Variants in MZT2B observed in about 807,000 individuals in gnomAD.
The protein encoded by MZT2B is mitotic-spindle organizing protein 2B.
MZT2B carries 11 observed loss-of-function variants against 12.1 expected under a neutral mutation model. That is an observed-to-expected ratio of 0.91 (90% confidence interval 0.57 to 1.50). MZT2B has a LOEUF of 1.50. MZT2B is among the 40% of genes most tolerant of loss of function. The probability of loss-of-function intolerance (pLI) is 0.00; values close to 1 mark genes in which losing one functional copy is unlikely to be tolerated. For missense variants in MZT2B, 209 were observed against 227.7 expected (o/e 0.92, Z 0.53); for synonymous variants, 85 against 109.5 (o/e 0.78, Z 1.40).
At position 130,190,623 on chromosome 2, in the gene MZT2B, C is replaced by T. The variant is rs1690230978; in HGVS notation, c.474C>T (p.Thr158=). The change falls in exon 3 of 3, where the codon ACC becomes ACT. Residue 158 remains threonine (T), a synonymous_variant. Transcript: ENST00000281871. ...GGAAGAGCCCTACACGGGGCAGCAC[C>T]TAGGATGGGGCAGAGACTTGTTGCA... ...GPGKSPTRGS[T] The T allele has an allele frequency of 3.1e-6, 5 of 1,604,036 alleles. No individual in the cohort carries two copies. Among genetic ancestry groups the T allele is most frequent in the Non-Finnish European group, 3.4e-6 (4 of 1,172,524 alleles).
chr2:130,203,188 C>T, the MZT2B span, among the ~76,000 whole-genome samples: 1 of 151,608 alleles, frequency 6.6e-6, no homozygotes, highest in Non-Finnish European at 1.5e-5. Context: ...AGTTTGTGAT[C>T]TGTCCTCTAA....
chr2:130,193,785 C>T (rs372381003), downstream of MZT2B: 122 of 1,602,414 alleles, frequency 7.6e-5, no homozygotes, highest in African/African-American at 1.3e-4. Flanking sequence ...CCCAGTCATA[C>T]CTTAAATCCA....
At chr2:130,186,498 A>G (rs899758507) in intron 2 of MZT2B, among the ~76,000 whole-genome samples, 2 of 152,232 alleles carry the variant, frequency 1.3e-5, no homozygotes, top group Admixed American at 6.5e-5. Context: ...CAGAGCATGC[A>G]TGTAAGATGA....
intron 2 of MZT2B, chr2:130,183,764 T>G (rs1308466363): frequency 3.2e-6 from 5 of 1,550,462 alleles, no homozygotes; most frequent in Non-Finnish European, 3.5e-6. Context: ...TCTGCTCTCT[T>G]TGTGTCTCTC....
At chr2:130,202,888 T>C in the MZT2B span, among the ~76,000 whole-genome samples, 219 of 152,254 alleles carry the variant, frequency 1.4e-3, no homozygotes, top group African/African-American at 4.9e-3. Flanking sequence ...GGCATCTTAG[T>C]AAGGACAGGG....
chr2:130,193,686 G>T (rs1340812788), downstream of MZT2B: 12 of 1,446,858 alleles, frequency 8.3e-6, no homozygotes, highest in Non-Finnish European at 1.1e-5. Context: ...CCTAGCCCAT[G>T]GAACAGGGAT....
chr2:130,203,816 T>C, the MZT2B span, among the ~76,000 whole-genome samples: 3 of 151,976 alleles, frequency 2.0e-5, no homozygotes, highest in African/African-American at 7.2e-5. Flanking sequence ...AGTAACTAGA[T>C]TGAGTGCCCA....
the MZT2B span, among the ~76,000 whole-genome samples, chr2:130,201,586 G>T: frequency 5.9e-5 from 9 of 152,154 alleles, no homozygotes; most frequent in Admixed American, 2.6e-4. Flanking sequence ...TCTAATATTG[G>T]CGGGGGGGGA....
rs1689843088 is a variant in MZT2B, at chr2:130,183,034, C to G, written c.319+259C>G. 5 of 603,070 alleles carry G rather than the reference C, an allele frequency of 8.3e-6. No homozygotes were observed. In the East Asian group the frequency reaches 1.5e-4, roughly 18 times the overall value. 37.4% of individuals were successfully genotyped at this position (603,070 alleles called of 1,614,324 possible). ...TAGGGCTCCTCCGCTTAGCTCCCCT[C>G]CACCTCTTCACTCAGGCCTTCATCC... On this transcript the variant is annotated intron_variant, in intron 2 of 2. Transcript: ENST00000281871.
chr2:130,200,819 G>T, the MZT2B span, among the ~76,000 whole-genome samples: 1 of 152,196 alleles, frequency 6.6e-6, no homozygotes. Flanking sequence ...TCAAATTCCT[G>T]GCCTCAAGTG....
At chr2:130,196,387 T>C in the MZT2B span, 36 of 1,609,194 alleles carry the variant, frequency 2.2e-5, no homozygotes, top group Middle Eastern at 1.6e-4. Flanking sequence ...AACCGGAACA[T>C]AAATGTGAAC....
the MZT2B span, among the ~76,000 whole-genome samples, chr2:130,204,712 T>C: frequency 5.0e-4 from 24 of 47,756 alleles, no homozygotes; most frequent in Admixed American, 4.3e-3. Context: ...AAAGGGGGGG[T>C]GGGGAGGAAG....
the MZT2B span, chr2:130,202,258 C>T: frequency 9.7e-6 from 12 of 1,233,770 alleles, no homozygotes; most frequent in East Asian, 5.8e-5. Context: ...CAGCTAACAA[C>T]GTTTACATAT....
At chr2:130,182,543 C>T (rs1558774186) in intron 1 of MZT2B, 84 bp from the exon 2 acceptor site, 2 of 1,556,210 alleles carry the variant, frequency 1.3e-6, no homozygotes, top group Non-Finnish European at 1.7e-6. Context: ...GGGAGGAGCC[C>T]CCGCCCCCGT....
chr2:130,192,939 C>T (rs1340894263), downstream of MZT2B, among the ~76,000 whole-genome samples: 2 of 152,058 alleles, frequency 1.3e-5, no homozygotes, highest in African/African-American at 4.8e-5. Flanking sequence ...ACTAAAAATA[C>T]AAAAATTAGC....
chr2:130,188,633 C>T (rs530755407), intron 2 of MZT2B, among the ~76,000 whole-genome samples: 2 of 152,330 alleles, frequency 1.3e-5, no homozygotes, highest in South Asian at 2.1e-4. Flanking sequence ...GAGTTCCAAG[C>T]ATGACACCGC....
At chr2:130,196,204 T>G in the MZT2B span, 21 of 1,613,858 alleles carry the variant, frequency 1.3e-5, no homozygotes, top group African/African-American at 2.5e-4. Context: ...GCTTGCCAGC[T>G]CCAGTCTCAC....
the MZT2B span, among the ~76,000 whole-genome samples, chr2:130,200,953 G>T: frequency 2.0e-5 from 3 of 152,188 alleles, no homozygotes; most frequent in East Asian, 5.8e-4. Context: ...CCCTGGAGGA[G>T]ACGTGCTGGC....
the MZT2B span, chr2:130,196,279 G>C: frequency 1.2e-6 from 2 of 1,614,052 alleles, no homozygotes; most frequent in Non-Finnish European, 1.7e-6. Flanking sequence ...TTTGACCATC[G>C]GGCTGAATTC....
Sources: gnomAD v4.1 joint callset for allele counts (sites outside exome capture counted in the v4.1 genomes callset) on GRCh38, gnomAD v4.1.1 for gene constraint, MANE v1.5 for transcripts, NCBI Gene and HGNC (gene_info 2026-07-23, HGNC 2026-07-21) for gene names.